The following CTIF variants were observed in gnomAD, a reference collection of about 807,000 sequenced individuals.
CTIF encodes CBP80/20-dependent translation initiation factor.
A neutral mutation model predicts 66.0 loss-of-function variants in CTIF; 21 were observed. That is an observed-to-expected ratio of 0.32 (90% CI 0.23 to 0.46). The LOEUF is 0.46. Ranked by LOEUF, CTIF falls within the 20% of genes least tolerant of loss-of-function variation. The pLI, the probability that CTIF is intolerant of heterozygous loss-of-function variation, is 1.00. For synonymous variants in CTIF, 345 were observed against 326.4 expected (o/e 1.06, Z -0.62); for missense variants, 739 against 812.7 (o/e 0.91, Z 1.10).
chr18:48,659,433 C>T (rs2091304092), intron 3 of CTIF, among the ~76,000 whole-genome samples: 2 of 152,170 alleles, frequency 1.3e-5, no homozygotes, highest in Admixed American at 6.5e-5. Flanking sequence ...CCTGCTGCCT[C>T]CTCCAGGGCT....
chr18:48,554,333 C>G (rs1004842828), intron 1 of CTIF, among the ~76,000 whole-genome samples: 1 of 152,232 alleles, frequency 6.6e-6, no homozygotes, highest in Non-Finnish European at 1.5e-5. Flanking sequence ...TGCCCTCTTG[C>G]CTCTCTAGAA....
At chr18:48,713,889 G>T (rs1270571075) in intron 7 of CTIF, among the ~76,000 whole-genome samples, 2 of 152,250 alleles carry the variant, frequency 1.3e-5, no homozygotes, top group Non-Finnish European at 2.9e-5. Flanking sequence ...CAGCAGCCAT[G>T]CCTGAACACA....
At chr18:48,640,488 T>C (rs186259984) in intron 3 of CTIF, among the ~76,000 whole-genome samples, 1 of 152,322 alleles carries the variant, frequency 6.6e-6, no homozygotes, top group Non-Finnish European at 1.5e-5. Context: ...CCAACTTTGA[T>C]GAGCTTTCTG....
intron 3 of CTIF, among the ~76,000 whole-genome samples, chr18:48,641,535 A>C (rs547109792): frequency 6.6e-6 from 1 of 152,360 alleles, no homozygotes; most frequent in African/African-American, 2.4e-5. Context: ...TGATCCCAAC[A>C]TTCCCTGGAA....
intron 9 of CTIF, among the ~76,000 whole-genome samples, chr18:48,801,057 G>A (rs2068039079): frequency 1.3e-5 from 2 of 152,158 alleles, no homozygotes; most frequent in African/African-American, 2.4e-5. Flanking sequence ...TCTTCAGACC[G>A]GATCTCAGAA....
At chr18:48,646,382 C>T (rs896504401) in intron 3 of CTIF, among the ~76,000 whole-genome samples, 3 of 152,034 alleles carry the variant, frequency 2.0e-5, no homozygotes, top group Non-Finnish European at 4.4e-5. Context: ...CATCACTATA[C>T]TCCAATCAGA....
intron 1 of CTIF, among the ~76,000 whole-genome samples, chr18:48,557,888 C>T (rs2089060208): frequency 1.3e-5 from 2 of 152,240 alleles, no homozygotes; most frequent in Admixed American, 6.5e-5. Context: ...CGCTTCTATC[C>T]TAATCAGACC....
intron 1 of CTIF, among the ~76,000 whole-genome samples, chr18:48,546,364 C>T (rs1039192884): frequency 6.6e-6 from 1 of 151,998 alleles, no homozygotes; most frequent in East Asian, 1.9e-4. Context: ...CAGAGTTAGT[C>T]GTCTGGGGTG....
At position 48,691,488 on chromosome 18, in the gene CTIF, C is replaced by T. The variant is rs76803997; in HGVS notation, c.508-20131C>T. Reference sequence around the variant, plus strand: ...GATTTCCCTCCAGTCAGTCACACAGCCCAGTGTTCCAGATTCGAGGCCTCC... The same window carrying T: ...GATTTCCCTCCAGTCAGTCACACAGTCCAGTGTTCCAGATTCGAGGCCTCC... On this transcript the variant is annotated intron_variant, in intron 6 of 11. Transcript: ENST00000256413. 3.4e-3 allele frequency among the ~76,000 whole-genome samples: 515 copies of T among 152,240 alleles called. 3 individuals are homozygous for T. Among genetic ancestry groups the T allele is most frequent in the African/African-American group, 9.0e-3 (373 of 41,532 alleles).
chr18:48,806,800 A>G (rs1233141519), intron 9 of CTIF, among the ~76,000 whole-genome samples: 2 of 152,234 alleles, frequency 1.3e-5, no homozygotes, highest in Non-Finnish European at 2.9e-5. Flanking sequence ...GAATGCCTTG[A>G]GAAACCTGAG....
intron 9 of CTIF, among the ~76,000 whole-genome samples, chr18:48,793,020 A>G (rs556851140): frequency 7.1e-4 from 108 of 152,328 alleles, no homozygotes; most frequent in Non-Finnish European, 9.9e-4. Context: ...ATGAGGATCT[A>G]TGGTACAAAG....
In CTIF at chr18:48,862,953, C is replaced by G. The variant is rs577330933; in HGVS notation, c.*3394C>G. The G allele has an allele frequency of 5.2e-5, 8 of 152,408 alleles. No individual in the cohort carries two copies. The highest frequency in any genetic ancestry group is 5.2e-4 in the Admixed American group (8 of 15,310). The allele number at this position is 152,408 out of a possible 1,614,324, so 9.4% of individuals were successfully genotyped here. On this transcript the variant is annotated 3_prime_UTR_variant, in exon 12 of 12. Coordinates refer to ENST00000256413, the MANE Select transcript of CTIF (RefSeq NM_014772.3). ...CTGTGTTGGGAAACCATTGGCTGGGCCTTTGAGGACACAGATCAGAAGAAA... is the reference window on the plus strand; with the variant it reads ...CTGTGTTGGGAAACCATTGGCTGGGGCTTTGAGGACACAGATCAGAAGAAA...
chr18:48,850,849 C>G (rs541238197), intron 10 of CTIF, among the ~76,000 whole-genome samples: 16 of 152,236 alleles, frequency 1.1e-4, no homozygotes, highest in Non-Finnish European at 1.5e-4. Flanking sequence ...AATCCACTCT[C>G]AAAAGCCAGC....
chr18:48,718,576 G>A (rs1477324019), intron 7 of CTIF, among the ~76,000 whole-genome samples: 2 of 152,194 alleles, frequency 1.3e-5, no homozygotes, highest in African/African-American at 2.4e-5. Context: ...CACTCAAGAA[G>A]AGGGAGTGAA....
intron 9 of CTIF, among the ~76,000 whole-genome samples, chr18:48,797,603 C>G (rs970801771): frequency 2.0e-5 from 3 of 151,514 alleles, no homozygotes; most frequent in Non-Finnish European, 4.4e-5. Context: ...GAGACAGAGC[C>G]TTATCCTGAT....
At chr18:48,705,915 T>A (rs1203043956) in intron 6 of CTIF, among the ~76,000 whole-genome samples, 1 of 152,246 alleles carries the variant, frequency 6.6e-6, no homozygotes, top group Admixed American at 6.5e-5. Context: ...CTATCGCACA[T>A]GGCACATATC....
intron 1 of CTIF, among the ~76,000 whole-genome samples, chr18:48,612,786 C>T (rs1381563663): frequency 6.6e-6 from 1 of 152,168 alleles, no homozygotes; most frequent in Non-Finnish European, 1.5e-5. Context: ...AGCAAGCCCC[C>T]TGCAGCCCCA....
At chr18:48,688,379 G>A (rs1461783029) in intron 6 of CTIF, 2 of 152,296 alleles carry the variant, frequency 1.3e-5, no homozygotes, top group Non-Finnish European at 2.9e-5. Context: ...AGAAGAGAGG[G>A]TCAGATGAGG....
intron 10 of CTIF, among the ~76,000 whole-genome samples, chr18:48,850,013 C>A (rs117690506): frequency 6.6e-6 from 1 of 152,210 alleles, no homozygotes; most frequent in South Asian, 2.1e-4. Flanking sequence ...CCATGAAACA[C>A]TCCCCATCCT....
Sources: gnomAD v4.1 joint callset for allele counts (sites outside exome capture counted in the v4.1 genomes callset) on GRCh38, gnomAD v4.1.1 for gene constraint, MANE v1.5 for transcripts, NCBI Gene and HGNC (gene_info 2026-07-23, HGNC 2026-07-21) for gene names.